The following KIRREL1 variants were observed in gnomAD, a reference collection of about 807,000 sequenced individuals.
KIRREL1 encodes kin of IRRE-like protein 1.
Under a neutral mutation model 83.3 loss-of-function variants are expected in KIRREL1, and 25 were observed. The observed-to-expected ratio is 0.30, with a 90% CI of 0.22 to 0.42. The LOEUF (loss-of-function observed/expected upper bound fraction) is 0.42, where lower values mean the gene tolerates loss of function less well. Ranked by LOEUF, KIRREL1 falls within the 10% of genes least tolerant of loss-of-function variation. The pLI, the probability that KIRREL1 is intolerant of heterozygous loss-of-function variation, is 1.00. For synonymous variants in KIRREL1, 388 were observed against 410.4 expected (o/e 0.95, Z 0.66); for missense variants, 812 against 1,032.3 (o/e 0.79, Z 2.92).
intron 8 of KIRREL1, 64 bp downstream of exon 8, chr1:158,088,518 T>C (rs1662091491): frequency 7.2e-7 from 1 of 1,379,544 alleles, no homozygotes; most frequent in Admixed American, 2.4e-5. Context: ...GGAGTCTCGC[T>C]CTGTCGCCCA....
intron 1 of KIRREL1, among the ~76,000 whole-genome samples, chr1:158,006,702 T>C (rs1659528262): frequency 6.6e-6 from 1 of 152,184 alleles, no homozygotes; most frequent in Non-Finnish European, 1.5e-5. Context: ...TCAGAGCAGC[T>C]GGGGGCTGGA....
intron 1 of KIRREL1, among the ~76,000 whole-genome samples, chr1:158,071,999 C>T (rs1041068997): frequency 6.6e-6 from 1 of 152,194 alleles, no homozygotes; most frequent in African/African-American, 2.4e-5. Flanking sequence ...AGGCCTGCAC[C>T]TCACTGCTCA....
At position 158,096,868 on chromosome 1, in the gene KIRREL1, G is replaced by A. The variant is rs1475496406; in HGVS notation, c.*1748G>A. On this transcript the variant is annotated 3_prime_UTR_variant, in exon 15 of 15. Coordinates refer to ENST00000359209, the MANE Select transcript of KIRREL1 (RefSeq NM_018240.7). ...TGGTGCAGTTCCCAAAATGTTCCTCGCCCTTTCTCCGTGGTCACCATTCAT... is the reference window on the plus strand; with the variant it reads ...TGGTGCAGTTCCCAAAATGTTCCTCACCCTTTCTCCGTGGTCACCATTCAT... The A allele has an allele frequency of 6.6e-6, 3 of 456,526 alleles. No individual in the cohort carries two copies. Among genetic ancestry groups the A allele is most frequent in the Middle Eastern group, 3.2e-4 (1 of 3,098 alleles). The allele number at this position is 456,526 out of a possible 1,614,324, so 28.3% of individuals were successfully genotyped here.
intron 1 of KIRREL1, among the ~76,000 whole-genome samples, chr1:158,050,433 T>C (rs375337201): frequency 5.3e-5 from 8 of 152,218 alleles, no homozygotes; most frequent in Admixed American, 1.3e-4. Flanking sequence ...CTCTGTGGAC[T>C]TATAATGAGG....
At chr1:158,055,989 G>A (rs1420457917) in intron 1 of KIRREL1, among the ~76,000 whole-genome samples, 1 of 152,156 alleles carries the variant, frequency 6.6e-6, no homozygotes, top group Non-Finnish European at 1.5e-5. Flanking sequence ...GCAGGCACTG[G>A]TGTTTGCAGG....
intron 11 of KIRREL1, among the ~76,000 whole-genome samples, chr1:158,093,027 C>T (rs550953784): frequency 1.3e-5 from 2 of 152,268 alleles, no homozygotes; most frequent in African/African-American, 4.8e-5. Flanking sequence ...GTCAGGTGGG[C>T]TGAAGGACAG....
In KIRREL1 at chr1:158,094,909, A is replaced by G; in HGVS notation, c.2063A>G (p.Glu688Gly). Residue 688 changes from glutamate (E) to glycine (G), a missense_variant, in exon 15 of 15, where the codon GAG becomes GGG. Transcript: ENST00000359209. The surrounding 1 kb of genome is among the most constrained non-coding windows in gnomAD (Gnocchi z 4.6). ...AGCCAGCTGTCCTACGAGAACTATGAGAAGTTCAACTCCCATCCCTTCCCT... is the reference window on the plus strand; with the variant it reads ...AGCCAGCTGTCCTACGAGAACTATGGGAAGTTCAACTCCCATCCCTTCCCT... The part of the protein sequence containing the change: ...TTSQLSYENY[E>G]KFNSHPFPGA... 3.7e-6 allele frequency: 6 copies of G among 1,613,980 alleles called. No homozygotes were observed. Among genetic ancestry groups the G allele is most frequent in the Non-Finnish European group, 5.1e-6 (6 of 1,179,964 alleles).
chr1:158,064,117 G>A (rs755119381), intron 1 of KIRREL1, among the ~76,000 whole-genome samples: 3 of 152,182 alleles, frequency 2.0e-5, no homozygotes, highest in Non-Finnish European at 4.4e-5. Context: ...CACCTATGGT[G>A]TGTGTGGATG....
chr1:158,034,287 GA>G (rs1321568367), intron 1 of KIRREL1, among the ~76,000 whole-genome samples: 1 of 105,128 alleles, frequency 9.5e-6, no homozygotes. Context: ...AAAAAAAAAA[GA>G]AAAAAAGAAA....
At chr1:158,014,139 G>A (rs1424432831) in intron 1 of KIRREL1, among the ~76,000 whole-genome samples, 1 of 152,004 alleles carries the variant, frequency 6.6e-6, no homozygotes, top group Non-Finnish European at 1.5e-5. Context: ...ACAGAGCTAC[G>A]TGGGGGAAGT....
chr1:158,096,225 C>G lies in KIRREL1; in HGVS notation c.*1105C>G, dbSNP rs1333009984. 3.5e-5 allele frequency: 8 copies of G among 226,948 alleles called. No homozygotes were observed. The highest frequency in any genetic ancestry group is 7.1e-5 in the Non-Finnish European group (8 of 113,410). The allele number at this position is 226,948 out of a possible 1,614,324, so 14.1% of individuals were successfully genotyped here. On this transcript the variant is annotated 3_prime_UTR_variant, in exon 15 of 15. Coordinates refer to ENST00000359209, the MANE Select transcript of KIRREL1 (RefSeq NM_018240.7). ...CACTTTGAATCCATTTTTAAACATT[C>G]AGGTTGCCAGACCTGTCACACAGTG... is the stretch of plus-strand genomic sequence containing the variant.
intron 1 of KIRREL1, among the ~76,000 whole-genome samples, chr1:158,005,769 CA>C (rs1393981460): frequency 6.6e-6 from 1 of 152,058 alleles, no homozygotes; most frequent in East Asian, 1.9e-4. Flanking sequence ...GGCAGGTCAG[CA>C]TCTCACACTC....
chr1:158,061,355 C>A (rs1661210677), intron 1 of KIRREL1, among the ~76,000 whole-genome samples: 1 of 152,126 alleles, frequency 6.6e-6, no homozygotes, highest in Non-Finnish European at 1.5e-5. Context: ...TTGCAGAGAC[C>A]AGGGACAACA....
intron 1 of KIRREL1, among the ~76,000 whole-genome samples, chr1:158,041,751 A>G (rs1447133832): frequency 3.9e-5 from 6 of 152,136 alleles, no homozygotes; most frequent in Admixed American, 3.9e-4. Flanking sequence ...GTGATGGTGA[A>G]CAAGTCTCCC....
rs758675711 is a variant in KIRREL1, at chr1:158,094,704, G to A, written c.1858G>A (p.Val620Met). The A allele has an allele frequency of 9.3e-6, 15 of 1,612,300 alleles. No homozygotes were observed. Among genetic ancestry groups the A allele is most frequent in the Non-Finnish European group, 1.3e-5 (15 of 1,179,940 alleles). ...TGAAGACCGCCCGTCTTCCAGGGCA[G>A]TGCTCTATGCTGACTACCGTGCCCC... ...AHEDRPSSRA[V>M]LYADYRAPGP... is the part of the protein sequence containing the mutation. The change falls in exon 15 of 15, where the codon GTG becomes ATG. Residue 620 changes from valine (V) to methionine (M), a missense_variant. By Grantham distance (21) the Val-to-Met change is conservative. Transcript: ENST00000359209. This position sits in a 1 kb window ranked among gnomAD's most constrained non-coding sequence, Gnocchi z 4.6.
chr1:158,046,823 T>A (rs944324543), intron 1 of KIRREL1, among the ~76,000 whole-genome samples: 20 of 152,044 alleles, frequency 1.3e-4, no homozygotes, highest in Non-Finnish European at 1.8e-4. Context: ...CTGGTGTGAG[T>A]TCATGAGTGA....
intron 1 of KIRREL1, among the ~76,000 whole-genome samples, chr1:158,073,813 C>G (rs577637756): frequency 6.6e-6 from 1 of 152,328 alleles, no homozygotes; most frequent in Admixed American, 6.5e-5. Context: ...GCAGGGTCAG[C>G]TGCTTCTTCA....
intron 1 of KIRREL1, among the ~76,000 whole-genome samples, chr1:158,012,853 T>A (rs1312970733): frequency 6.6e-6 from 1 of 152,234 alleles, no homozygotes; most frequent in Admixed American, 6.5e-5. Flanking sequence ...AGTCCCAGAA[T>A]GGGGAAATGA....
chr1:158,047,747 T>C lies in KIRREL1; in HGVS notation c.53-28366T>C, dbSNP rs144283898. Among the ~76,000 whole-genome samples, 1,221 of 152,116 alleles carry C rather than the reference T, an allele frequency of 8.0e-3. 18 individuals are homozygous for C. The highest frequency in any genetic ancestry group is 0.028 in the African/African-American group (1,143 of 41,486). On this transcript the variant is annotated intron_variant, in intron 1 of 14. Transcript: ENST00000359209. ...AGATGGAGCTGGGGCCAGAACCCGGTTCATGAGTCCCTGGTCCAATGAACA... is the reference window on the plus strand; with the variant it reads ...AGATGGAGCTGGGGCCAGAACCCGGCTCATGAGTCCCTGGTCCAATGAACA...
Sources: allele counts gnomAD v4.1 joint callset (sites outside exome capture counted in the v4.1 genomes callset), GRCh38; gene constraint gnomAD v4.1.1; non-coding constraint Gnocchi (gnomAD v3.1); transcripts MANE v1.5; gene names NCBI Gene and HGNC (gene_info 2026-07-23, HGNC 2026-07-21).